CRACD: variants seen among roughly 807,000 people sequenced by gnomAD.
CRACD encodes the protein capping protein inhibiting regulator of actin dynamics.
CRACD carries 56 observed loss-of-function variants against 106.8 expected under a neutral mutation model. That is an observed-to-expected ratio of 0.52 (90% CI 0.42 to 0.66). The LOEUF (loss-of-function observed/expected upper bound fraction) is 0.66, where lower values mean the gene tolerates loss of function less well. CRACD is among the 30% of genes least tolerant of loss of function. The pLI, the probability that CRACD is intolerant of heterozygous loss-of-function variation, is 0.00. For missense variants in CRACD, 1,730 were observed against 1,623.2 expected (o/e 1.07, Z -1.13); for synonymous variants, 754 against 670.8 (o/e 1.12, Z -1.92).
At chr4:56,152,952 A>G (rs1351234562) in intron 1 of CRACD, among the ~76,000 whole-genome samples, 2 of 152,098 alleles carry the variant, frequency 1.3e-5, no homozygotes, top group Non-Finnish European at 2.9e-5. Flanking sequence ...CCAGTTGGAT[A>G]TCTTATAGGA....
intron 2 of CRACD, among the ~76,000 whole-genome samples, chr4:56,272,036 G>T (rs1742381737): frequency 6.6e-6 from 1 of 152,192 alleles, no homozygotes. Flanking sequence ...GAGCCACCAT[G>T]CCCTGGCCAC....
rs567482851 is a variant in CRACD, at chr4:56,090,542, G to A, written c.-336+41243G>A. ...CCCGAGTAGCTGGGACTACAGGTGCGTACCACCACACCCAGGTAATTTTTG... is the reference window on the plus strand; with the variant it reads ...CCCGAGTAGCTGGGACTACAGGTGCATACCACCACACCCAGGTAATTTTTG... On this transcript the variant is annotated intron_variant, in intron 1 of 10. Coordinates refer to ENST00000682029, the MANE Select transcript of CRACD (RefSeq NM_001393381.1). 7.2e-5 allele frequency among the ~76,000 whole-genome samples: 11 copies of A among 152,208 alleles called. No individual in the cohort carries two copies. The South Asian group carries it at 8.3e-4, about 11-fold the overall frequency.
At chr4:56,313,075 T>C (rs1184429722) in intron 6 of CRACD, 122 bp from the exon 7 acceptor site, 2 of 804,298 alleles carry the variant, frequency 2.5e-6, no homozygotes, top group East Asian at 4.9e-5. Context: ...TTCCCTCTGC[T>C]CACCTGCATT....
At position 56,197,068 on chromosome 4, in the gene CRACD, T is replaced by A. The variant is rs535760042; in HGVS notation, c.-189+17638T>A. Among the ~76,000 whole-genome samples the A allele has an allele frequency of 2.8e-4, 43 of 152,318 alleles. No homozygotes were observed. In the South Asian group the frequency reaches 8.5e-3, roughly 30 times the overall value. On this transcript the variant is annotated intron_variant, in intron 2 of 10. Transcript: ENST00000682029. ...GGGATAGGGGATTTAGTTAACATCA[T>A]CCTTCAATAATACCAGATAAATAAG...
chr4:56,075,991 A>G (rs1349504706), intron 1 of CRACD, among the ~76,000 whole-genome samples: 1 of 152,126 alleles, frequency 6.6e-6, no homozygotes, highest in Non-Finnish European at 1.5e-5. Context: ...AAAGTCTAAA[A>G]AGCTTCCTTT....
chr4:56,320,240 C>G (rs1420523017), intron 8 of CRACD, among the ~76,000 whole-genome samples: 1 of 152,046 alleles, frequency 6.6e-6, no homozygotes, highest in South Asian at 2.1e-4. Flanking sequence ...GCTTAGTATC[C>G]CTTTCTCCAA....
intron 2 of CRACD, among the ~76,000 whole-genome samples, chr4:56,193,146 G>A (rs1207887711): frequency 6.6e-6 from 1 of 152,212 alleles, no homozygotes; most frequent in African/African-American, 2.4e-5. Flanking sequence ...ATGGCGGCAG[G>A]CAAGAGAGCT....
chr4:56,104,360 C>A (rs934891293), intron 1 of CRACD, among the ~76,000 whole-genome samples: 1 of 152,150 alleles, frequency 6.6e-6, no homozygotes, highest in African/African-American at 2.4e-5. Flanking sequence ...CACCACTGCA[C>A]TTTAGCCTGG....
chr4:56,316,726 AGGTGTCAGAG>A, intron 8 of CRACD, 37 bp downstream of exon 8: 1 of 1,573,112 alleles, frequency 6.4e-7, no homozygotes, highest in Non-Finnish European at 8.6e-7. Context: ...CTGCCAGCCG[AGGTGTCAGAG>A]CCAGGGCATC....
chr4:56,169,286 G>A (rs566682703), intron 1 of CRACD, among the ~76,000 whole-genome samples: 34 of 152,276 alleles, frequency 2.2e-4, no homozygotes, highest in African/African-American at 7.9e-4. Flanking sequence ...AGGCCATATG[G>A]TTACAGTTTT....
At chr4:56,181,329 G>A (rs1448167193) in intron 2 of CRACD, among the ~76,000 whole-genome samples, 1 of 152,192 alleles carries the variant, frequency 6.6e-6, no homozygotes, top group Non-Finnish European at 1.5e-5. Flanking sequence ...AATGCAGCTG[G>A]GGTGTTCCAG....
At chr4:56,099,968 C>T (rs1733725383) in intron 1 of CRACD, among the ~76,000 whole-genome samples, 1 of 152,152 alleles carries the variant, frequency 6.6e-6, no homozygotes, top group South Asian at 2.1e-4. Context: ...ACTGGCCAGG[C>T]ACGGTGGCTC....
rs780145752 is a variant in CRACD, at chr4:56,179,422, T to C, written c.-197T>C. ...CCAACAAGAAAAAGACCTGTGGCTATTAAGATAGGTAAGTCTTTTATGTAG... is the reference window on the plus strand; with the variant it reads ...CCAACAAGAAAAAGACCTGTGGCTACTAAGATAGGTAAGTCTTTTATGTAG... On this transcript the variant is annotated 5_prime_UTR_variant, in exon 2 of 11. Coordinates refer to ENST00000682029, the MANE Select transcript of CRACD (RefSeq NM_001393381.1). 2 of 152,198 alleles carry C rather than the reference T, an allele frequency of 1.3e-5. No individual in the cohort carries two copies. Among genetic ancestry groups the C allele is most frequent in the Non-Finnish European group, 2.9e-5 (2 of 68,050 alleles). The allele number at this position is 152,198 out of a possible 1,614,324, so 9.4% of individuals were successfully genotyped here.
At chr4:56,116,764 G>C (rs1217454587) in intron 1 of CRACD, among the ~76,000 whole-genome samples, 1 of 149,962 alleles carries the variant, frequency 6.7e-6, no homozygotes, top group African/African-American at 2.5e-5. Context: ...GCTGGAGTGC[G>C]TGGCACGATC....
chr4:56,211,606 G>A (rs1270725731), intron 2 of CRACD, among the ~76,000 whole-genome samples: 1 of 152,236 alleles, frequency 6.6e-6, no homozygotes, highest in Admixed American at 6.5e-5. Flanking sequence ...GAGAGGGGAT[G>A]TGCAGGGGTC....
chr4:56,118,222 CAG>C lies in CRACD; in HGVS notation c.-335-61058_-335-61057del, dbSNP rs1734361318. Among the ~76,000 whole-genome samples, 6 of 150,386 alleles carry C rather than the reference CAG, an allele frequency of 4.0e-5. No individual in the cohort carries two copies. In the South Asian group the frequency reaches 1.3e-3, roughly 32 times the overall value. Reference sequence around the variant, plus strand: ...ATCACTTACGAACCAGAAGGGACCTCAGAGATCACATGGCCCACTCTCCTCAT... The same window carrying C: ...ATCACTTACGAACCAGAAGGGACCTCAGATCACATGGCCCACTCTCCTCAT... On this transcript the variant is annotated intron_variant, in intron 1 of 10. Coordinates refer to ENST00000682029, the MANE Select transcript of CRACD (RefSeq NM_001393381.1).
chr4:56,058,741 G>C (rs1732172076), intron 1 of CRACD, among the ~76,000 whole-genome samples: 1 of 152,194 alleles, frequency 6.6e-6, no homozygotes, highest in African/African-American at 2.4e-5. Context: ...TGACTGTAGT[G>C]ATTAGCATCT....
intron 2 of CRACD, among the ~76,000 whole-genome samples, chr4:56,260,307 C>A (rs1405288260): frequency 6.6e-6 from 1 of 152,180 alleles, no homozygotes; most frequent in Admixed American, 6.5e-5. Context: ...AGTGTGAACG[C>A]CACCCAGGGA....
intron 3 of CRACD, among the ~76,000 whole-genome samples, chr4:56,272,955 T>C (rs1207638587): frequency 1.3e-5 from 2 of 151,836 alleles, no homozygotes; most frequent in Non-Finnish European, 2.9e-5. Flanking sequence ...GTGTAAGACT[T>C]GGTGTATTCT....
Sources: allele counts gnomAD v4.1 joint callset (sites outside exome capture counted in the v4.1 genomes callset), GRCh38; gene constraint gnomAD v4.1.1; transcripts MANE v1.5; gene names NCBI Gene and HGNC (gene_info 2026-07-23, HGNC 2026-07-21).